DAB1: variants seen among roughly 807,000 people sequenced by gnomAD.
DAB1 encodes DAB adaptor protein 1.
In DAB1, 15 loss-of-function variants were observed where a neutral mutation model predicts 64.6. The ratio of observed to expected loss-of-function variants is 0.23; its 90% CI spans 0.16 to 0.36. The LOEUF is 0.36. DAB1 is among the 10% of genes least tolerant of loss of function. DAB1 has a pLI of 1.00. For missense variants in DAB1, 596 were observed against 706.7 expected (o/e 0.84, Z 1.78); for synonymous variants, 235 against 251.9 (o/e 0.93, Z 0.64).
At chr1:57,073,714 A>G (rs1651724171) in intron 4 of DAB1, among the ~76,000 whole-genome samples, 1 of 152,182 alleles carries the variant, frequency 6.6e-6, no homozygotes, top group Non-Finnish European at 1.5e-5. Flanking sequence ...TACCAGATCA[A>G]TGGGTCATAA....
chr1:57,371,510 C>T (rs1350327764), intron 1 of DAB1, among the ~76,000 whole-genome samples: 1 of 152,088 alleles, frequency 6.6e-6, no homozygotes, highest in Non-Finnish European at 1.5e-5. Context: ...TTTATATATA[C>T]ATTTATGGAA....
intron 6 of DAB1, among the ~76,000 whole-genome samples, chr1:57,655,251 G>A (rs546870277): frequency 9.3e-5 from 14 of 151,350 alleles, no homozygotes; most frequent in South Asian, 6.3e-4. Flanking sequence ...CCATTCATCC[G>A]TCCATCCAAC....
chr1:57,285,555 G>A (rs1672247351), intron 2 of DAB1, among the ~76,000 whole-genome samples: 2 of 152,018 alleles, frequency 1.3e-5, no homozygotes, highest in African/African-American at 4.8e-5. Context: ...TTACAGGCAT[G>A]AGCACCACAC....
chr1:57,915,966 A>G (rs1260536492), intron 5 of DAB1, among the ~76,000 whole-genome samples: 1 of 152,226 alleles, frequency 6.6e-6, no homozygotes, highest in Non-Finnish European at 1.5e-5. Flanking sequence ...TCCCTAAAAT[A>G]GGGCCCAACT....
chr1:57,131,324 T>TA (rs1657636320), intron 4 of DAB1, among the ~76,000 whole-genome samples: 1 of 152,140 alleles, frequency 6.6e-6, no homozygotes, highest in Non-Finnish European at 1.5e-5. Context: ...AGGGGGATAA[T>TA]AAAAAATTCC....
At chr1:58,397,089 AAAAG>A (rs1327617268) in intron 3 of DAB1, among the ~76,000 whole-genome samples, 1 of 151,972 alleles carries the variant, frequency 6.6e-6, no homozygotes, top group Non-Finnish European at 1.5e-5. Context: ...AAAGAAAAGA[AAAAG>A]AAACAGAGAG....
chr1:57,100,017 A>G (rs1475371159), intron 4 of DAB1, among the ~76,000 whole-genome samples: 1 of 152,144 alleles, frequency 6.6e-6, no homozygotes, highest in Non-Finnish European at 1.5e-5. Flanking sequence ...AAAGAGTATT[A>G]AATCAATCTA....
intron 2 of DAB1, among the ~76,000 whole-genome samples, chr1:57,274,938 T>C (rs1466103041): frequency 6.6e-6 from 1 of 151,806 alleles, no homozygotes; most frequent in Non-Finnish European, 1.5e-5. Flanking sequence ...AAAAAAAAAT[T>C]GTCTTATGCA....
intron 4 of DAB1, among the ~76,000 whole-genome samples, chr1:58,325,548 T>C (rs1662801440): frequency 6.6e-6 from 1 of 152,222 alleles, no homozygotes. Context: ...ATATTAAGTA[T>C]ATTAAGCTTT....
At chr1:57,897,674 C>T (rs527599351) in intron 5 of DAB1, among the ~76,000 whole-genome samples, 31 of 152,246 alleles carry the variant, frequency 2.0e-4, no homozygotes, top group African/African-American at 7.2e-4. Flanking sequence ...CAAGGAAACG[C>T]AGCTTGGGAT....
intron 7 of DAB1, among the ~76,000 whole-genome samples, chr1:57,565,356 C>T (rs1331630847): frequency 6.6e-6 from 1 of 152,228 alleles, no homozygotes. Context: ...TAGGAAGAAA[C>T]TGCATCAACT....
intron 5 of DAB1, among the ~76,000 whole-genome samples, chr1:57,946,615 G>GAT (rs201284418): frequency 1.7e-3 from 257 of 152,232 alleles, no homozygotes; most frequent in Non-Finnish European, 2.3e-3. Flanking sequence ...GATGCGGTCT[G>GAT]ATATATATAT....
chr1:58,463,878 T>C (rs1645268862), intron 3 of DAB1, among the ~76,000 whole-genome samples: 1 of 152,226 alleles, frequency 6.6e-6, no homozygotes, highest in African/African-American at 2.4e-5. Flanking sequence ...GGTTGTCCAC[T>C]GGGACCATCT....
intron 5 of DAB1, among the ~76,000 whole-genome samples, chr1:58,104,512 T>C (rs575735066): frequency 5.3e-5 from 8 of 152,316 alleles, no homozygotes; most frequent in East Asian, 1.9e-4. Context: ...GGAATATACA[T>C]GTGTTTTCCC....
At chr1:57,929,556 G>A (rs1644926283) in intron 5 of DAB1, among the ~76,000 whole-genome samples, 1 of 152,126 alleles carries the variant, frequency 6.6e-6, no homozygotes, top group Non-Finnish European at 1.5e-5. Flanking sequence ...TTATCTTCTA[G>A]GAGTGTATTG....
At chr1:57,515,947 A>G (rs1644459233) in intron 7 of DAB1, among the ~76,000 whole-genome samples, 1 of 152,202 alleles carries the variant, frequency 6.6e-6, no homozygotes, top group Admixed American at 6.5e-5. Flanking sequence ...CCATTTACCC[A>G]TTGAAGATTC....
chr1:58,168,814 G>T (rs1046533820), intron 4 of DAB1, among the ~76,000 whole-genome samples: 1 of 152,082 alleles, frequency 6.6e-6, no homozygotes, highest in Admixed American at 6.6e-5. Context: ...CATTTTTGGG[G>T]CATAACATCT....
chr1:57,860,729 G>A (rs1231025797), intron 1 of DAB1: 1 of 152,166 alleles, frequency 6.6e-6, no homozygotes, highest in African/African-American at 2.4e-5. Flanking sequence ...TAAATATTGT[G>A]GGCTGGATGG....
chr1:58,330,414 A>G (rs2100494021), intron 4 of DAB1, among the ~76,000 whole-genome samples: 1 of 152,376 alleles, frequency 6.6e-6, no homozygotes. Flanking sequence ...GTGCTGATGT[A>G]AAAGCTGCAG....
Sources: gnomAD v4.1 joint callset for allele counts (sites outside exome capture counted in the v4.1 genomes callset) on GRCh38, gnomAD v4.1.1 for gene constraint, MANE v1.5 for transcripts, NCBI Gene and HGNC (gene_info 2026-07-23, HGNC 2026-07-21) for gene names.